The following UTRN variants were observed in gnomAD, a reference collection of about 807,000 sequenced individuals.
UTRN encodes dystrophin-related protein 1.
A neutral mutation model predicts 463.9 loss-of-function variants in UTRN; 283 were observed. The ratio of observed to expected loss-of-function variants is 0.61; its 90% CI spans 0.55 to 0.67. The LOEUF is 0.67. Ranked by LOEUF, UTRN falls within the 30% of genes least tolerant of loss-of-function variation. The pLI is 0.00. For synonymous variants in UTRN, 1,442 were observed against 1,431.5 expected (o/e 1.01, Z -0.17); for missense variants, 3,922 against 4,084.3 (o/e 0.96, Z 1.08).
At chr6:144,797,722 T>C (rs969508652) in intron 63 of UTRN, 102 bp from the exon 64 acceptor site, 110 of 1,198,432 alleles carry the variant, frequency 9.2e-5, no homozygotes, top group Non-Finnish European at 1.2e-4. Flanking sequence ...TTATATAGTT[T>C]CCTCTTCTGC....
Position 144,548,747 on chromosome 6 carries a change from A to G in UTRN, c.6703A>G (p.Ile2235Val), listed in dbSNP as rs772425586. 1.2e-5 allele frequency: 20 copies of G among 1,613,962 alleles called. No homozygotes were observed. In the Admixed American group the frequency reaches 2.0e-4, roughly 16 times the overall value. ...AATTCCTGCTGATCTTGATAAAACT[A>G]TAACAGAACTAGCCGACTGGCTGGT... is the stretch of plus-strand genomic sequence containing the variant. ...ISIPADLDKT[I>V]TELADWLVLI... Residue 2235 changes from isoleucine (I) to valine (V), a missense_variant, in exon 47 of 75, where the codon ATA becomes GTA. Coordinates refer to ENST00000367545, the MANE Select transcript of UTRN (RefSeq NM_007124.3).
chr6:144,436,923 T>C (rs905760813), intron 10 of UTRN, among the ~76,000 whole-genome samples: 16 of 145,548 alleles, frequency 1.1e-4, no homozygotes, highest in Admixed American at 2.1e-4. Flanking sequence ...ATTATATATG[T>C]ATATGTATAT....
chr6:144,506,400 G>T (rs1794694031), intron 34 of UTRN, among the ~76,000 whole-genome samples: 1 of 152,092 alleles, frequency 6.6e-6, no homozygotes, highest in African/African-American at 2.4e-5. Flanking sequence ...GGCTGGAACT[G>T]GTTTTTCATT....
intron 55 of UTRN, among the ~76,000 whole-genome samples, chr6:144,750,237 A>G (rs1409099124): frequency 7.3e-6 from 1 of 137,640 alleles, no homozygotes; most frequent in Non-Finnish European, 1.5e-5. Context: ...TGCCTCTATT[A>G]CCATACAACT....
chr6:144,751,764 A>G (rs1378555678), intron 55 of UTRN, 42 bp from the exon 56 acceptor site: 2 of 1,546,766 alleles, frequency 1.3e-6, no homozygotes, highest in Admixed American at 1.9e-5. Context: ...AGCTTTTGTT[A>G]TATTCGTTTC....
intron 2 of UTRN, among the ~76,000 whole-genome samples, chr6:144,388,541 A>G (rs1457035127): frequency 2.0e-5 from 3 of 150,784 alleles, no homozygotes; most frequent in African/African-American, 7.4e-5. Flanking sequence ...TCACTCACCC[A>G]AACTGGAGTG....
At chr6:144,695,025 T>C (rs2128694642) in intron 52 of UTRN, among the ~76,000 whole-genome samples, 1 of 152,060 alleles carries the variant, frequency 6.6e-6, no homozygotes, top group Admixed American at 6.6e-5. Context: ...TTTATGCTAC[T>C]TGGAGTATTT....
chr6:144,522,437 A>G (rs900592964), intron 40 of UTRN, among the ~76,000 whole-genome samples: 2 of 152,220 alleles, frequency 1.3e-5, no homozygotes, highest in African/African-American at 4.8e-5. Context: ...AAACAGAGAC[A>G]TAGACCACCT....
intron 25 of UTRN, 150 bp downstream of exon 25, chr6:144,474,909 A>AG: frequency 1.3e-5 from 10 of 775,124 alleles, no homozygotes; most frequent in South Asian, 2.6e-5. Context: ...CCAAAAAAAA[A>AG]GGCATCATTT....
At chr6:144,543,854 G>A (rs1798187182) in intron 46 of UTRN, among the ~76,000 whole-genome samples, 1 of 151,636 alleles carries the variant, frequency 6.6e-6, no homozygotes, top group Non-Finnish European at 1.5e-5. Context: ...TGAGGACCAA[G>A]TTTGTGTTTT....
intron 51 of UTRN, among the ~76,000 whole-genome samples, chr6:144,647,700 A>G (rs1778428207): frequency 6.6e-6 from 1 of 152,246 alleles, no homozygotes. Flanking sequence ...TAAGGCCTTT[A>G]CAGGCATTTG....
intron 2 of UTRN, among the ~76,000 whole-genome samples, chr6:144,296,365 A>G (rs893310294): frequency 2.6e-5 from 4 of 152,224 alleles, no homozygotes; most frequent in African/African-American, 9.6e-5. Flanking sequence ...CTGAGGTAGA[A>G]CAGTTTCATC....
At chr6:144,661,144 C>T (rs145950817) in intron 51 of UTRN, among the ~76,000 whole-genome samples, 12 of 152,262 alleles carry the variant, frequency 7.9e-5, no homozygotes, top group African/African-American at 2.4e-4. Context: ...TGGCTTTCAC[C>T]GTGAATGCCC....
intron 65 of UTRN, among the ~76,000 whole-genome samples, chr6:144,818,735 A>G (rs1298642812): frequency 2.6e-5 from 4 of 152,210 alleles, no homozygotes; most frequent in Non-Finnish European, 5.9e-5. Context: ...CATTTAGGGT[A>G]AGCATATCTC....
Position 144,458,760 on chromosome 6 carries a change from G to T in UTRN, c.2285-10G>T, listed in dbSNP as rs751786370. On this transcript the variant is annotated splice_polypyrimidine_tract_variant and intron_variant, in intron 19 of 74. Coordinates refer to ENST00000367545, the MANE Select transcript of UTRN (RefSeq NM_007124.3). ...TATAGACTGTTTGCTTGTTTTTCAT[G>T]TCTGCATAGAAGGCCTTCCTACTGA... 4.5e-6 allele frequency: 7 copies of T among 1,572,038 alleles called. No individual in the cohort carries two copies. In the Admixed American group the frequency reaches 1.4e-4, roughly 31 times the overall value.
At chr6:144,772,359 C>T (rs1040368109) in intron 59 of UTRN, among the ~76,000 whole-genome samples, 1 of 152,090 alleles carries the variant, frequency 6.6e-6, no homozygotes, top group African/African-American at 2.4e-5. Context: ...AGCTAATCAC[C>T]AGCCTTTCTT....
At chr6:144,654,300 C>T (rs1403128203) in intron 51 of UTRN, among the ~76,000 whole-genome samples, 1 of 152,194 alleles carries the variant, frequency 6.6e-6, no homozygotes, top group African/African-American at 2.4e-5. Context: ...AGCCTCCAAG[C>T]ATGAGAGAAA....
rs181092261 is a variant in UTRN at position 144,325,510 on chromosome 6, A to G, written c.79+33603A>G. 2.6e-5 allele frequency among the ~76,000 whole-genome samples: 4 copies of G among 152,336 alleles called. No homozygotes were observed. In the South Asian group the frequency reaches 6.2e-4, roughly 24 times the overall value. On this transcript the variant is annotated intron_variant, in intron 2 of 74. Transcript: ENST00000367545. ...TGAGCCAAATAAATTTCTGTTCATT[A>G]TAAATTACCCAGTCTGTGGCATTCT...
At chr6:144,324,994 TC>T (rs1775888155) in intron 2 of UTRN, among the ~76,000 whole-genome samples, 1 of 152,142 alleles carries the variant, frequency 6.6e-6, no homozygotes, top group African/African-American at 2.4e-5. Context: ...CTCAGAGCTT[TC>T]CCCTTCTTCC....
Sources: allele counts gnomAD v4.1 joint callset (sites outside exome capture counted in the v4.1 genomes callset), GRCh38; gene constraint gnomAD v4.1.1; transcripts MANE v1.5; gene names NCBI Gene and HGNC (gene_info 2026-07-23, HGNC 2026-07-21).